NDUFA11: variants seen among roughly 807,000 people sequenced by gnomAD.
The protein encoded by NDUFA11 is NADH:ubiquinone oxidoreductase subunit A11.
Under a neutral mutation model 11.3 loss-of-function variants are expected in NDUFA11, and 14 were observed. That is an observed-to-expected ratio of 1.24 (90% CI 0.82 to 1.94). NDUFA11 has a LOEUF of 1.94. Ranked by LOEUF, NDUFA11 falls within the 30% of genes most tolerant of loss-of-function variation. NDUFA11 has a pLI of 0.00. For missense variants in NDUFA11, 204 were observed against 200.3 expected (o/e 1.02, Z -0.11); for synonymous variants, 87 against 85.6 (o/e 1.02, Z -0.09).
Position 5,896,287 on chromosome 19 carries a change from G to T in NDUFA11, c.313+166C>A. On this transcript the variant is annotated intron_variant, in intron 3 of 3. Coordinates refer to ENST00000308961, the MANE Select transcript of NDUFA11 (RefSeq NM_175614.5). This position sits in a 1 kb window ranked among gnomAD's most constrained non-coding sequence, Gnocchi z 5.8. ...CAGGTCAGGGAGGGCCACAGTAGGTGCTTAAGCAGCAGCAGCAGCTGTCGC... is the reference window on the plus strand; with the variant it reads ...CAGGTCAGGGAGGGCCACAGTAGGTTCTTAAGCAGCAGCAGCAGCTGTCGC... 1 of 809,082 alleles carries T rather than the reference G, an allele frequency of 1.2e-6. No individual in the cohort carries two copies. Among genetic ancestry groups the T allele is most frequent in the South Asian group, 1.7e-5 (1 of 59,278 alleles). The allele number at this position is 809,082 out of a possible 1,614,324, so 50.1% of individuals were successfully genotyped here.
At chr19:5,898,555 C>T (rs1441218615) in intron 1 of NDUFA11, among the ~76,000 whole-genome samples, 1 of 152,190 alleles carries the variant, frequency 6.6e-6, no homozygotes, top group Non-Finnish European at 1.5e-5. Flanking sequence ...ACACCAACCC[C>T]TGGGATTCCT....
downstream of NDUFA11, among the ~76,000 whole-genome samples, chr19:5,894,229 C>T (rs78642467): frequency 0.011 from 1,731 of 152,368 alleles, 12 homozygotes; most frequent in South Asian, 0.028. Context: ...CCGGGGCTCT[C>T]CGCTCCAGTG....
At chr19:5,894,567 G>A (rs1018499400), downstream of NDUFA11, 57 of 1,337,874 alleles carry the variant, frequency 4.3e-5, no homozygotes, top group Non-Finnish European at 5.6e-5. Context: ...CAGGCGGCAG[G>A]CAGGCGCGTG....
chr19:5,900,910 CAA>C (rs1305134254), intron 1 of NDUFA11, among the ~76,000 whole-genome samples: 15 of 51,614 alleles, frequency 2.9e-4, no homozygotes, highest in Middle Eastern at 9.3e-3. Context: ...GACTCCGTCT[CAA>C]AAAAAAAAAA....
chr19:5,903,746 G>C lies in NDUFA11; in HGVS notation c.-38C>G, dbSNP rs899480722. The C allele has an allele frequency of 1.3e-6, 2 of 1,546,044 alleles. No homozygotes were observed. The highest frequency in any genetic ancestry group is 1.8e-6 in the Non-Finnish European group (2 of 1,142,442). ...CGATCCCGCACCACGGACCCCGCCAGCTCGGGAAGCGCAAGGGCAGCCGCG... is the reference window on the plus strand; with the variant it reads ...CGATCCCGCACCACGGACCCCGCCACCTCGGGAAGCGCAAGGGCAGCCGCG... On this transcript the variant is annotated 5_prime_UTR_variant, in exon 1 of 4. Transcript: ENST00000308961.
Position 5,901,420 on chromosome 19 carries a change from G to A in NDUFA11, c.97+2192C>T, listed in dbSNP as rs116028877. On this transcript the variant is annotated intron_variant, in intron 1 of 3. Coordinates refer to ENST00000308961, the MANE Select transcript of NDUFA11 (RefSeq NM_175614.5). Reference sequence around the variant, plus strand: ...CAGCCCAGCTTCAAATGACCCTGGAGCAGTTAATATGCTTCTCCAACCTTC... The same window carrying A: ...CAGCCCAGCTTCAAATGACCCTGGAACAGTTAATATGCTTCTCCAACCTTC... 814 of 1,287,140 alleles carry A rather than the reference G, an allele frequency of 6.3e-4. 9 individuals are homozygous for A. In the African/African-American group the frequency reaches 0.011, roughly 18 times the overall value. The allele number at this position is 1,287,140 out of a possible 1,614,324, so 79.7% of individuals were successfully genotyped here. A position where few individuals can be genotyped will look rare whatever the true frequency, so the allele number is the denominator to read the frequency against.
chr19:5,901,310 T>C, intron 1 of NDUFA11: 1 of 1,274,358 alleles, frequency 7.8e-7, no homozygotes, highest in South Asian at 1.2e-5. Context: ...TTCAGCCCTT[T>C]CTCTTGAAGA....
chr19:5,897,320 C>T (rs894839563), intron 1 of NDUFA11, among the ~76,000 whole-genome samples: 1 of 152,192 alleles, frequency 6.6e-6, no homozygotes, highest in Non-Finnish European at 1.5e-5. Context: ...GGCCGGCAGA[C>T]GGAGACTCAT....
At chr19:5,892,986 C>A, downstream of NDUFA11, 1 of 1,521,120 alleles carries the variant, frequency 6.6e-7, no homozygotes. Context: ...GTGTCAGGGC[C>A]CCTGCCCCTC....
downstream of NDUFA11, among the ~76,000 whole-genome samples, chr19:5,894,490 C>A (rs1390727870): frequency 1.3e-5 from 2 of 152,196 alleles, no homozygotes. Flanking sequence ...CTCCTGGGCT[C>A]CCGATGGCCC....
downstream of NDUFA11, chr19:5,894,561 C>T (rs2057595371): frequency 3.9e-6 from 5 of 1,292,162 alleles, no homozygotes; most frequent in African/African-American, 1.5e-5. Flanking sequence ...GGACGGCAGG[C>T]GGCAGGCAGG....
At chr19:5,891,257 T>TA, downstream of NDUFA11, 1 of 148,388 alleles carries the variant, frequency 6.7e-6, no homozygotes, top group African/African-American at 2.5e-5. Context: ...AGGCCAGCGT[T>TA]ATTTATTTAT....
chr19:5,893,420 C>A, downstream of NDUFA11: 1 of 571,640 alleles, frequency 1.7e-6, no homozygotes, highest in Non-Finnish European at 3.1e-6. This position sits in a 1 kb window ranked among gnomAD's most constrained non-coding sequence, Gnocchi z 4.1. Context: ...AGCCATGATC[C>A]TGCCACTGCC....
downstream of NDUFA11, chr19:5,893,197 C>A: frequency 6.5e-7 from 1 of 1,536,042 alleles, no homozygotes; most frequent in Non-Finnish European, 8.7e-7. This position sits in a 1 kb window ranked among gnomAD's most constrained non-coding sequence, Gnocchi z 4.1. Flanking sequence ...GTGGCTCATG[C>A]CTATAATCCC....
chr19:5,897,848 C>T (rs1050743349), intron 1 of NDUFA11, among the ~76,000 whole-genome samples: 3 of 152,202 alleles, frequency 2.0e-5, no homozygotes, highest in Non-Finnish European at 4.4e-5. Context: ...CCTTGGGCCA[C>T]GTCCTCCCAG....
chr19:5,901,370 G>A (rs1374687168), intron 1 of NDUFA11: 16 of 1,287,164 alleles, frequency 1.2e-5, no homozygotes, highest in African/African-American at 1.5e-5. Context: ...AGACCCCTAG[G>A]AGCAGGTCAG....
chr19:5,895,829 GA>G (rs1441511569), intron 3 of NDUFA11: 2 of 158,334 alleles, frequency 1.3e-5, no homozygotes, highest in African/African-American at 4.8e-5. Flanking sequence ...TGGCTGCAAA[GA>G]AGGCCACTTG....
chr19:5,897,814 C>T (rs916453098), intron 1 of NDUFA11, among the ~76,000 whole-genome samples: 3 of 152,212 alleles, frequency 2.0e-5, no homozygotes, highest in Non-Finnish European at 4.4e-5. Context: ...TGCCTAGGGG[C>T]GTCCTGAGTG....
At chr19:5,892,564 A>C, downstream of NDUFA11, 1 of 199,564 alleles carries the variant, frequency 5.0e-6, no homozygotes, top group Non-Finnish European at 1.0e-5. Context: ...TGCGGTGGGC[A>C]GGATGCATGG....
Sources: gnomAD v4.1 joint callset for allele counts (sites outside exome capture counted in the v4.1 genomes callset) on GRCh38, gnomAD v4.1.1 for gene constraint, Gnocchi (gnomAD v3.1) non-coding constraint, MANE v1.5 for transcripts, NCBI Gene and HGNC (gene_info 2026-07-23, HGNC 2026-07-21) for gene names.